GFOD2: variants seen among roughly 807,000 people sequenced by gnomAD.
GFOD2 encodes Gfo/Idh/MocA-like oxidoreductase domain containing 2.
GFOD2 carries 9 observed loss-of-function variants against 24.6 expected under a neutral mutation model. That is an observed-to-expected ratio of 0.37 (90% CI 0.22 to 0.64). GFOD2 has a LOEUF of 0.64. Ranked by LOEUF, GFOD2 falls within the 30% of genes least tolerant of loss-of-function variation. The pLI is 0.65. For missense variants in GFOD2, 476 were observed against 532.5 expected, an observed-to-expected ratio of 0.89 and a Z score of 1.04; for synonymous variants, 211 against 224.8, an observed-to-expected ratio of 0.94 and a Z score of 0.55.
chr16:67,710,817 A>G (rs760400364), intron 1 of GFOD2, among the ~76,000 whole-genome samples: 1 of 152,082 alleles, frequency 6.6e-6, no homozygotes. Flanking sequence ...CTCCTTGACT[A>G]TCAATCCCCA....
intron 2 of GFOD2, chr16:67,683,467 A>G (rs987031001): frequency 4.9e-6 from 6 of 1,231,418 alleles, no homozygotes; most frequent in Admixed American, 4.2e-5. Context: ...ACTTGCTGCT[A>G]AAGTGTTGAC....
At chr16:67,715,441 G>A (rs1459823057) in intron 1 of GFOD2, among the ~76,000 whole-genome samples, 1 of 152,148 alleles carries the variant, frequency 6.6e-6, no homozygotes, top group Non-Finnish European at 1.5e-5. Flanking sequence ...GTACTTCAGT[G>A]AGCTCATTCC....
At position 67,703,902 on chromosome 16, in the gene GFOD2, G is replaced by A. The variant is rs1392244903; in HGVS notation, c.-88+15261C>T. On this transcript the variant is annotated intron_variant, in intron 1 of 2. Transcript: ENST00000268797. The stretch of plus-strand genomic sequence containing the variant: ...CATTCTACTTTCTGTCTCTGAATCT[G>A]ACTGCCCTAGGTACCTCACATAAGT... Among the ~76,000 whole-genome samples, 10 of 152,294 alleles carry A rather than the reference G, an allele frequency of 6.6e-5. No homozygotes were observed. The East Asian group carries it at 1.9e-3, about 29-fold the overall frequency.
chr16:67,687,436 A>C (rs2053275708), intron 1 of GFOD2, among the ~76,000 whole-genome samples: 1 of 151,644 alleles, frequency 6.6e-6, no homozygotes, highest in African/African-American at 2.4e-5. Flanking sequence ...GTCAGGAGAT[A>C]GAGACCATCC....
At chr16:67,703,757 CTG>C (rs992114449) in intron 1 of GFOD2, among the ~76,000 whole-genome samples, 2 of 152,198 alleles carry the variant, frequency 1.3e-5, no homozygotes, top group African/African-American at 4.8e-5. Context: ...AAACTTGCCT[CTG>C]TTGCAGAGAA....
chr16:67,683,876 C>T, intron 2 of GFOD2: 2 of 1,179,828 alleles, frequency 1.7e-6, no homozygotes, highest in South Asian at 4.3e-5. Flanking sequence ...TATTACCTCA[C>T]ATAAAACAGT....
chr16:67,705,935 A>G (rs1365428329), intron 1 of GFOD2, among the ~76,000 whole-genome samples: 2 of 144,234 alleles, frequency 1.4e-5, no homozygotes, highest in African/African-American at 5.2e-5. Context: ...GTGAAACTCT[A>G]TCTTTAAAAA....
At chr16:67,684,682 G>A (rs2053252797) in intron 2 of GFOD2, 2 of 907,750 alleles carry the variant, frequency 2.2e-6, no homozygotes, top group African/African-American at 1.8e-5. Flanking sequence ...GGCAACAAGA[G>A]GGAAACTCTG....
At chr16:67,686,619 A>C (rs940825444) in intron 1 of GFOD2, among the ~76,000 whole-genome samples, 17 of 151,182 alleles carry the variant, frequency 1.1e-4, no homozygotes, top group African/African-American at 4.1e-4. Context: ...CACCTGAGGT[A>C]AGGAGTTCAA....
At chr16:67,689,689 G>GTAAA (rs1279044190) in intron 1 of GFOD2, among the ~76,000 whole-genome samples, 3 of 151,796 alleles carry the variant, frequency 2.0e-5, no homozygotes, top group African/African-American at 2.4e-5. Context: ...AAATAAATAG[G>GTAAA]TAAATAAATA....
At chr16:67,696,702 T>G (rs1446772955) in intron 1 of GFOD2, among the ~76,000 whole-genome samples, 1 of 151,988 alleles carries the variant, frequency 6.6e-6, no homozygotes, top group African/African-American at 2.4e-5. Context: ...CTGGATCTCC[T>G]GACCTCGTGA....
At position 67,675,700 on chromosome 16, in the gene GFOD2, C is replaced by A. The variant is rs147012796; in HGVS notation, c.613G>T (p.Val205Leu). 1.9e-6 allele frequency: 3 copies of A among 1,614,006 alleles called. No homozygotes were observed. The highest frequency in any genetic ancestry group is 2.5e-6 in the Non-Finnish European group (3 of 1,180,048). ...EKVHGLLKTF[V>L]RQNAAIRGIR... ...CCACGGATGGCAGCGTTCTGCCTCA[C>A]GAATGTCTTGAGCAGCCCGTGCACC... The change falls in exon 3 of 3, where the codon GTG becomes TTG. Residue 205 changes from valine to leucine, a missense_variant. Physicochemically the swap from Val to Leu is conservative, Grantham distance 32. Coordinates refer to ENST00000268797, the MANE Select transcript of GFOD2 (RefSeq NM_030819.4).
At chr16:67,678,307 T>C (rs201329601) in intron 2 of GFOD2, among the ~76,000 whole-genome samples, 22 of 151,802 alleles carry the variant, frequency 1.4e-4, no homozygotes, top group African/African-American at 4.8e-4. Flanking sequence ...AGAAACCCCG[T>C]CTCTACTAAA....
At chr16:67,676,235 C>T (rs745834) in intron 2 of GFOD2, 182 bp from the exon 3 acceptor site, 80 of 623,362 alleles carry the variant, frequency 1.3e-4, no homozygotes, top group African/African-American at 1.0e-3. Context: ...TGGCCTCAAG[C>T]GATCCTCCAT....
rs142050875 is a variant in GFOD2, at chr16:67,675,242, G to A, written c.1071C>T (p.Ser357=). 1.2e-4 allele frequency: 189 copies of A among 1,613,260 alleles called. 1 individual carries two copies. The highest frequency in any genetic ancestry group is 3.3e-4 in the Middle Eastern group (2 of 6,084). The stretch of plus-strand genomic sequence containing the variant: ...GCACCTCCACAGCCTCCCACTCCCC[G>A]GATCGGCTCGACCTCTTGATGGCAT... ...VVDAIKRSSR[S]GEWEAVEVLT... Residue 357 remains serine (S), a synonymous_variant, in exon 3 of 3, where the codon TCC becomes TCT. Transcript: ENST00000268797.
At chr16:67,695,490 G>C (rs1171030184) in intron 1 of GFOD2, among the ~76,000 whole-genome samples, 3 of 151,520 alleles carry the variant, frequency 2.0e-5, no homozygotes, top group Admixed American at 1.3e-4. Flanking sequence ...GAGCTTGACA[G>C]TGTCAAGCAT....
intron 1 of GFOD2, among the ~76,000 whole-genome samples, chr16:67,687,659 G>GA (rs967881819): frequency 7.1e-6 from 1 of 140,504 alleles, no homozygotes; most frequent in Non-Finnish European, 1.6e-5. Context: ...AAAAAAAAAA[G>GA]AAAAAAAGAA....
At chr16:67,699,068 C>T (rs1209654325) in intron 1 of GFOD2, among the ~76,000 whole-genome samples, 4 of 152,096 alleles carry the variant, frequency 2.6e-5, no homozygotes, top group Non-Finnish European at 2.9e-5. Flanking sequence ...TGTGGCTGGG[C>T]GTGGTGGCTC....
chr16:67,711,974 C>T (rs1460223124), intron 1 of GFOD2, among the ~76,000 whole-genome samples: 1 of 152,050 alleles, frequency 6.6e-6, no homozygotes, highest in East Asian at 1.9e-4. Flanking sequence ...CATTGTTTGT[C>T]TCTCCCCACC....
Sources: allele counts gnomAD v4.1 joint callset (sites outside exome capture counted in the v4.1 genomes callset), GRCh38; gene constraint gnomAD v4.1.1; transcripts MANE v1.5; gene names NCBI Gene and HGNC (gene_info 2026-07-23, HGNC 2026-07-21).